Variants in OSBPL3 observed in about 807,000 individuals in gnomAD.
OSBPL3 encodes the protein oxysterol binding protein like 3.
A neutral mutation model predicts 120.1 loss-of-function variants in OSBPL3; 65 were observed. That is an observed-to-expected ratio of 0.54 (90% CI 0.44 to 0.67). The LOEUF (loss-of-function observed/expected upper bound fraction) is 0.67. OSBPL3 is among the 30% of genes least tolerant of loss of function. OSBPL3 has a pLI of 0.00. For missense variants in OSBPL3, 1,004 were observed against 1,082.1 expected, an observed-to-expected ratio of 0.93 and a Z score of 1.01; for synonymous variants, 416 against 402.6, an observed-to-expected ratio of 1.03 and a Z score of -0.40.
Position 24,952,416 on chromosome 7 carries a change from T to C in OSBPL3, c.-150+27470A>G, listed in dbSNP as rs1195121436. Reference sequence around the variant, plus strand: ...CTAGGTCTCCTGACATTCAATACAATGCCCTGTAGCAAACCGAAACCTCAG... The same window carrying C: ...CTAGGTCTCCTGACATTCAATACAACGCCCTGTAGCAAACCGAAACCTCAG... On this transcript the variant is annotated intron_variant, in intron 1 of 22. Coordinates refer to ENST00000313367, the MANE Select transcript of OSBPL3 (RefSeq NM_015550.4). This position sits in a 1 kb window ranked among gnomAD's most constrained non-coding sequence, Gnocchi z 4.4. 1.3e-5 allele frequency among the ~76,000 whole-genome samples: 2 copies of C among 152,198 alleles called. No homozygotes were observed. Among genetic ancestry groups the C allele is most frequent in the African/African-American group, 2.4e-5 (1 of 41,458 alleles).
At chr7:24,976,593 T>TA (rs1817619016) in intron 1 of OSBPL3, among the ~76,000 whole-genome samples, 2 of 152,246 alleles carry the variant, frequency 1.3e-5, no homozygotes, top group East Asian at 3.9e-4. Flanking sequence ...TGTGTAAATT[T>TA]AGACAGGAAA....
In OSBPL3 at chr7:24,872,168, G is replaced by T. The variant is rs1802213882; in HGVS notation, c.97-99C>A. On this transcript the variant is annotated intron_variant, in intron 2 of 22. Coordinates refer to ENST00000313367, the MANE Select transcript of OSBPL3 (RefSeq NM_015550.4). The surrounding 1 kb of genome is among the most constrained non-coding windows in gnomAD (Gnocchi z 4.1). ...TGTCAGTAAATTTATTCAAGATGGG[G>T]AGGCTGGCTGGGTTTGTTGGGGAGA... 9.3e-6 allele frequency: 8 copies of T among 860,808 alleles called. No homozygotes were observed. Among genetic ancestry groups the T allele is most frequent in the Non-Finnish European group, 1.6e-5 (8 of 513,972 alleles). 53.3% of individuals were successfully genotyped at this position (860,808 alleles called of 1,614,324 possible).
Position 24,852,414 on chromosome 7 carries a change from T to C in OSBPL3, c.1158+90A>G. 8.2e-7 allele frequency: 1 copy of C among 1,226,770 alleles called. No homozygotes were observed. Among genetic ancestry groups the C allele is most frequent in the Non-Finnish European group, 1.1e-6 (1 of 924,922 alleles). The allele number at this position is 1,226,770 out of a possible 1,614,324, so 76.0% of individuals were successfully genotyped here. Reference sequence around the variant, plus strand: ...TTGGATAATTTGGTTTTCTCCTGAATTTTCAACATAATCATGGAAATAGAA... The same window carrying C: ...TTGGATAATTTGGTTTTCTCCTGAACTTTCAACATAATCATGGAAATAGAA... On this transcript the variant is annotated intron_variant, in intron 11 of 22. Coordinates refer to ENST00000313367, the MANE Select transcript of OSBPL3 (RefSeq NM_015550.4). This position sits in a 1 kb window ranked among gnomAD's most constrained non-coding sequence, Gnocchi z 4.1.
At chr7:24,868,346 T>C (rs1584442076) in intron 5 of OSBPL3, among the ~76,000 whole-genome samples, 1 of 136,118 alleles carries the variant, frequency 7.3e-6, no homozygotes, top group Non-Finnish European at 1.5e-5. Flanking sequence ...AAAGTGTGTG[T>C]GTGTGTGTGT....
chr7:24,865,422 T>C lies in OSBPL3; in HGVS notation c.593A>G (p.Asn198Ser), dbSNP rs375144671. 8.2e-5 allele frequency: 133 copies of C among 1,613,282 alleles called. No homozygotes were observed. The highest frequency in any genetic ancestry group is 1.1e-4 in the Non-Finnish European group (129 of 1,179,326). ...CTCACCACCACAAGAAAATGATACA[T>C]TGCTTCCAGTTTGAAATAAATTCTG... ...SKQNLFQTGS[N>S]VSFSCGGETR... The change falls in exon 7 of 23, where the codon AAT becomes AGT. Residue 198 changes from asparagine to serine, a missense_variant. Physicochemically the swap from Asn to Ser is conservative, Grantham distance 46. Around this residue, in one of 4 missense-constraint regions of OSBPL3, gnomAD observed 255 missense variants for 248.7 expected, o/e 1.03. Coordinates refer to ENST00000313367, the MANE Select transcript of OSBPL3 (RefSeq NM_015550.4).
At chr7:24,807,991 G>C (rs905499271) in intron 20 of OSBPL3, among the ~76,000 whole-genome samples, 3 of 152,222 alleles carry the variant, frequency 2.0e-5, no homozygotes, top group African/African-American at 7.2e-5. Flanking sequence ...TCTACTTCCA[G>C]GGTTTAAGTG....
At position 24,813,293 on chromosome 7, in the gene OSBPL3, G is replaced by T. The variant is rs985122023; in HGVS notation, c.2172+1766C>A. On this transcript the variant is annotated intron_variant, in intron 19 of 22. Coordinates refer to ENST00000313367, the MANE Select transcript of OSBPL3 (RefSeq NM_015550.4). This position sits in a 1 kb window ranked among gnomAD's most constrained non-coding sequence, Gnocchi z 4.5. ...AGGGACACTGTCACCTTCCACAGGC[G>T]AGTGTGGCATCCACTTGCAGCATCT... Among the ~76,000 whole-genome samples, 2 of 152,176 alleles carry T rather than the reference G, an allele frequency of 1.3e-5. No homozygotes were observed. Among genetic ancestry groups the T allele is most frequent in the African/African-American group, 4.8e-5 (2 of 41,430 alleles).
intron 16 of OSBPL3, among the ~76,000 whole-genome samples, chr7:24,823,796 C>T (rs1795387479): frequency 6.6e-6 from 1 of 152,172 alleles, no homozygotes; most frequent in Admixed American, 6.5e-5. Flanking sequence ...TATACAAAGG[C>T]TTTGATTAAC....
chr7:24,951,824 G>T (rs1438644502), intron 1 of OSBPL3, among the ~76,000 whole-genome samples: 1 of 152,152 alleles, frequency 6.6e-6, no homozygotes, highest in African/African-American at 2.4e-5. Context: ...AAACATTCTA[G>T]ACATAAACCT....
rs1342985644 is a variant in OSBPL3 at position 24,940,442 on chromosome 7, G to A, written c.-150+39444C>T. The stretch of plus-strand genomic sequence containing the variant: ...ACACCAGGGGAGAAGTAAAGAGTGT[G>A]GAAGAGTAAAGACCAGACAGGCTGA... On this transcript the variant is annotated intron_variant, in intron 1 of 22. Coordinates refer to ENST00000313367, the MANE Select transcript of OSBPL3 (RefSeq NM_015550.4). The surrounding 1 kb of genome is among the most constrained non-coding windows in gnomAD (Gnocchi z 4.4). Among the ~76,000 whole-genome samples the A allele has an allele frequency of 6.6e-6, 1 of 152,134 alleles. No individual in the cohort carries two copies. Among genetic ancestry groups the A allele is most frequent in the Non-Finnish European group, 1.5e-5 (1 of 68,030 alleles).
intron 1 of OSBPL3, among the ~76,000 whole-genome samples, chr7:24,963,719 A>G (rs1368752223): frequency 6.6e-6 from 1 of 152,228 alleles, no homozygotes; most frequent in Non-Finnish European, 1.5e-5. Context: ...GTAACCTTAG[A>G]TAAACCATTT....
intron 12 of OSBPL3, among the ~76,000 whole-genome samples, chr7:24,844,299 T>C (rs574392830): frequency 6.6e-6 from 1 of 152,218 alleles, no homozygotes; most frequent in Non-Finnish European, 1.5e-5. Context: ...GGGCGCCACA[T>C]ATGGCCCAGG....
At chr7:24,920,500 CA>C (rs1810260603) in intron 1 of OSBPL3, among the ~76,000 whole-genome samples, 2 of 151,990 alleles carry the variant, frequency 1.3e-5, no homozygotes, top group Admixed American at 1.3e-4. Flanking sequence ...CAGAAGGAAA[CA>C]AAGTAATATG....
At chr7:24,848,561 C>G (rs1798715756) in intron 12 of OSBPL3, among the ~76,000 whole-genome samples, 1 of 151,934 alleles carries the variant, frequency 6.6e-6, no homozygotes, top group African/African-American at 2.4e-5. Flanking sequence ...CCAAGAGACA[C>G]TTTAATTGTA....
At chr7:24,847,858 G>A (rs1335218573) in intron 12 of OSBPL3, among the ~76,000 whole-genome samples, 1 of 152,190 alleles carries the variant, frequency 6.6e-6, no homozygotes, top group Non-Finnish European at 1.5e-5. Flanking sequence ...AGGTCAAGGC[G>A]CCGTAAGTAA....
chr7:24,957,830 T>A (rs1303056580), intron 1 of OSBPL3, among the ~76,000 whole-genome samples: 1 of 152,150 alleles, frequency 6.6e-6, no homozygotes, highest in African/African-American at 2.4e-5. Flanking sequence ...ATTAATATAA[T>A]CAATTCTGTA....
At position 24,863,637 on chromosome 7, in the gene OSBPL3, C is replaced by T. The variant is rs1490314106; in HGVS notation, c.674-38G>A. 2.3e-6 allele frequency: 3 copies of T among 1,290,914 alleles called. No individual in the cohort carries two copies. In the East Asian group the frequency reaches 6.9e-5, roughly 30 times the overall value. 80.0% of individuals were successfully genotyped at this position (1,290,914 alleles called of 1,614,324 possible). On this transcript the variant is annotated intron_variant, in intron 7 of 22. Transcript: ENST00000313367. The surrounding 1 kb of genome is among the most constrained non-coding windows in gnomAD (Gnocchi z 5.8). The stretch of plus-strand genomic sequence containing the variant: ...AGAGGACAGTGCTCACAATGCTCCA[C>T]TAGCAAGAGGGATCACTGTGCTGTC...
chr7:24,980,648 CTG>C (rs1818238343), upstream of OSBPL3, among the ~76,000 whole-genome samples: 1 of 151,966 alleles, frequency 6.6e-6, no homozygotes, highest in Admixed American at 6.6e-5. Context: ...GAAAGTCAGA[CTG>C]TGGCAGAGGA....
At chr7:24,904,348 C>T (rs774203328) in intron 1 of OSBPL3, among the ~76,000 whole-genome samples, 7 of 152,128 alleles carry the variant, frequency 4.6e-5, no homozygotes, top group Admixed American at 6.5e-5. Context: ...ACAGTCAGCC[C>T]GCAGTATCTG....
Sources: gnomAD v4.1 joint callset for allele counts (sites outside exome capture counted in the v4.1 genomes callset) on GRCh38, gnomAD v4.1.1 for gene constraint, gnomAD v4.1.1 regional missense constraint, Gnocchi (gnomAD v3.1) non-coding constraint, MANE v1.5 for transcripts, NCBI Gene and HGNC (gene_info 2026-07-23, HGNC 2026-07-21) for gene names.